GRM8: variants seen among roughly 807,000 people sequenced by gnomAD.
GRM8 encodes the protein metabotropic glutamate receptor 8.
A neutral mutation model predicts 87.2 loss-of-function variants in GRM8; 47 were observed. That is an observed-to-expected ratio of 0.54 (90% CI 0.43 to 0.69). The LOEUF is 0.69. Ranked by LOEUF, GRM8 falls within the 30% of genes least tolerant of loss-of-function variation. GRM8 has a pLI of 0.00. For synonymous variants in GRM8, 396 were observed against 404.5 expected (o/e 0.98, Z 0.25); for missense variants, 1,019 against 1,139.2 (o/e 0.89, Z 1.52).
rs114099534 is a variant in GRM8 at position 126,993,927 on chromosome 7, C to T, written c.728-89244G>A. On this transcript the variant is annotated intron_variant, in intron 3 of 10. Transcript: ENST00000339582. ...AGTCGAGGACACAAGGACTGCAATT[C>T]TTAGGGAAGTCCTGATGCTGTGCTG... 3.4e-3 allele frequency among the ~76,000 whole-genome samples: 523 copies of T among 152,224 alleles called. 4 individuals carry two copies. Among genetic ancestry groups the T allele is most frequent in the African/African-American group, 0.012 (492 of 41,526 alleles).
chr7:126,889,057 G>A (rs1268720483), intron 6 of GRM8, among the ~76,000 whole-genome samples: 1 of 152,040 alleles, frequency 6.6e-6, no homozygotes, highest in East Asian at 1.9e-4. Flanking sequence ...TAAGGGAAAG[G>A]TGCATAAAGA....
At chr7:126,530,474 G>T (rs1814620312) in intron 9 of GRM8, among the ~76,000 whole-genome samples, 1 of 152,236 alleles carries the variant, frequency 6.6e-6, no homozygotes. Context: ...TGAAGGCATG[G>T]GCTGGGAGCC....
At chr7:126,875,601 G>A (rs1379100568) in intron 6 of GRM8, among the ~76,000 whole-genome samples, 1 of 152,138 alleles carries the variant, frequency 6.6e-6, no homozygotes, top group Non-Finnish European at 1.5e-5. Flanking sequence ...CAGCAATTCA[G>A]TTCATTTCAT....
intron 7 of GRM8, among the ~76,000 whole-genome samples, chr7:126,732,505 T>C (rs970645434): frequency 4.6e-5 from 7 of 152,144 alleles, no homozygotes; most frequent in Non-Finnish European, 7.4e-5. Context: ...GAGGTCAACC[T>C]CTCTAGCTGT....
At chr7:126,977,504 C>T (rs1173595359) in intron 3 of GRM8, among the ~76,000 whole-genome samples, 1 of 152,142 alleles carries the variant, frequency 6.6e-6, no homozygotes, top group South Asian at 2.1e-4. Context: ...TCATCAAATG[C>T]CCTTTCCTTC....
In GRM8 at chr7:126,439,825, A is replaced by AGTGTGTGTGTGTGTGTGTGTGTGT. The variant is rs57638512; in HGVS notation, c.2678-681_2678-658dup. 1.8e-3 allele frequency among the ~76,000 whole-genome samples: 260 copies of AGTGTGTGTGTGTGTGTGTGTGTGT among 142,670 alleles called. 3 individuals carry two copies. The highest frequency in any genetic ancestry group is 7.8e-3 in the East Asian group (36 of 4,622). The allele number at this position is 142,670 out of a possible 152,430, so 93.6% of individuals were successfully genotyped here. ...TCCTGACCCTGTGGAGGCCTAGGCTAGTGTGTGTGTGTGTGTGTGTGTGTG... is the reference window on the plus strand; with the variant it reads ...TCCTGACCCTGTGGAGGCCTAGGCTAGTGTGTGTGTGTGTGTGTGTGTGTGTGTGTGTGTGTGTGTGTGTGTGTG... On this transcript the variant is annotated intron_variant, in intron 10 of 10. Transcript: ENST00000339582.
At chr7:127,241,940 G>C (rs934460039) in intron 2 of GRM8, among the ~76,000 whole-genome samples, 4 of 152,032 alleles carry the variant, frequency 2.6e-5, no homozygotes, top group African/African-American at 9.7e-5. Flanking sequence ...TATTTTTACT[G>C]CACTTTATAC....
At chr7:127,212,410 ATTT>A (rs144077638) in intron 2 of GRM8, among the ~76,000 whole-genome samples, 805 of 97,536 alleles carry the variant, frequency 8.3e-3, no homozygotes, top group South Asian at 0.015. Flanking sequence ...ACATGGTGTT[ATTT>A]TTTTTTTTTT....
chr7:127,089,617 C>T (rs913745896), intron 3 of GRM8, among the ~76,000 whole-genome samples: 1 of 152,164 alleles, frequency 6.6e-6, no homozygotes, highest in African/African-American at 2.4e-5. Flanking sequence ...GCTAACCCTG[C>T]CTGAGAAGTC....
intron 8 of GRM8, among the ~76,000 whole-genome samples, chr7:126,561,384 T>C (rs563168349): frequency 5.3e-5 from 8 of 151,834 alleles, no homozygotes; most frequent in African/African-American, 1.9e-4. Context: ...GGCAGAAGAA[T>C]TGCTTGAACC....
chr7:127,065,839 A>G (rs1004822450), intron 3 of GRM8, among the ~76,000 whole-genome samples: 2 of 152,206 alleles, frequency 1.3e-5, no homozygotes, highest in African/African-American at 4.8e-5. Context: ...CCTGGTCAAA[A>G]TGAACCAAAC....
intron 3 of GRM8, among the ~76,000 whole-genome samples, chr7:127,044,675 G>T (rs1397489060): frequency 6.6e-6 from 1 of 152,098 alleles, no homozygotes; most frequent in African/African-American, 2.4e-5. Flanking sequence ...TGTCCAGCCA[G>T]GGATGGTGTC....
At chr7:127,034,410 C>T (rs1817661157) in intron 3 of GRM8, among the ~76,000 whole-genome samples, 1 of 152,146 alleles carries the variant, frequency 6.6e-6, no homozygotes, top group African/African-American at 2.4e-5. Flanking sequence ...GCCCATATTA[C>T]AGACCTCATT....
At chr7:126,940,581 T>G (rs1806811896) in intron 3 of GRM8, among the ~76,000 whole-genome samples, 1 of 152,186 alleles carries the variant, frequency 6.6e-6, no homozygotes, top group African/African-American at 2.4e-5. Flanking sequence ...CCATCAACTT[T>G]GTTGTCACCA....
chr7:126,618,578 G>A (rs2151132142), intron 7 of GRM8, among the ~76,000 whole-genome samples: 1 of 152,272 alleles, frequency 6.6e-6, no homozygotes, highest in Non-Finnish European at 1.5e-5. Context: ...ACTACCATCA[G>A]AGTGAACAGG....
chr7:126,977,989 T>C (rs1198048274), intron 3 of GRM8, among the ~76,000 whole-genome samples: 2 of 152,172 alleles, frequency 1.3e-5, no homozygotes, highest in Non-Finnish European at 2.9e-5. Context: ...GAAGTAAATG[T>C]AAAATGATGT....
At chr7:127,063,539 G>A (rs1820822052) in intron 3 of GRM8, among the ~76,000 whole-genome samples, 1 of 152,080 alleles carries the variant, frequency 6.6e-6, no homozygotes, top group Admixed American at 6.6e-5. Context: ...TTGCACCACT[G>A]CACTCCAACC....
intron 6 of GRM8, among the ~76,000 whole-genome samples, chr7:126,855,472 C>CTTTT (rs11428822): frequency 5.1e-5 from 7 of 136,952 alleles, no homozygotes; most frequent in African/African-American, 1.6e-4. Context: ...TATGATTTAT[C>CTTTT]TTTTTTTTTT....
intron 7 of GRM8, among the ~76,000 whole-genome samples, chr7:126,686,129 A>AGAGAGGAGCTACCCTCTCTGCT (rs1808159490): frequency 6.6e-6 from 1 of 151,634 alleles, no homozygotes; most frequent in South Asian, 2.1e-4. Flanking sequence ...GACCAAATGC[A>AGAGAGGAGCTACCCTCTCTGCT]GAGAGGAGCT....
Sources: allele counts gnomAD v4.1 joint callset (sites outside exome capture counted in the v4.1 genomes callset), GRCh38; gene constraint gnomAD v4.1.1; transcripts MANE v1.5; gene names NCBI Gene and HGNC (gene_info 2026-07-23, HGNC 2026-07-21).